NOMO2: variants seen among roughly 807,000 people sequenced by gnomAD.
NOMO2 encodes NODAL modulator 2.
Under a neutral mutation model 67.1 loss-of-function variants are expected in NOMO2, and 14 were observed. The observed-to-expected ratio is 0.21, with a 90% CI of 0.14 to 0.33. The LOEUF (loss-of-function observed/expected upper bound fraction) is 0.33. Among genes scored for constraint, NOMO2 ranks in the 10% least tolerant of loss-of-function variants. The pLI is 1.00. For synonymous variants in NOMO2, 80 were observed against 305.9 expected (o/e 0.26, Z 7.71); for missense variants, 178 against 761.0 (o/e 0.23, Z 9.01).
At chr16:18,556,433 ACT>A (rs1901905077) in intron 2 of NOMO2, among the ~76,000 whole-genome samples, 1 of 148,940 alleles carries the variant, frequency 6.7e-6, no homozygotes, top group African/African-American at 2.5e-5. Flanking sequence ...ACAGAGTGAG[ACT>A]CTGTCTCAAA....
At chr16:18,536,229 T>C (rs1901419809) in intron 11 of NOMO2, among the ~76,000 whole-genome samples, 1 of 152,100 alleles carries the variant, frequency 6.6e-6, no homozygotes, top group Non-Finnish European at 1.5e-5. Flanking sequence ...TTTCAGGTCC[T>C]TCCTATCCTA....
chr16:18,562,017 C>T lies in NOMO2; in HGVS notation c.24G>A (p.Gly8=). Reference sequence around the variant, plus strand: ...CGGTGACCACCGCGGGCCCCAGCAGCCCCGCGCCCTGGCCCACCAGCATGG... The same window carrying T: ...CGGTGACCACCGCGGGCCCCAGCAGTCCCGCGCCCTGGCCCACCAGCATGG... The part of the protein sequence containing the change: MLVGQGA[G]LLGPAVVTAA... Residue 8 remains glycine, a synonymous_variant, in exon 1 of 31, where the codon GGG becomes GGA. Transcript: ENST00000622306. The T allele has an allele frequency of 6.5e-7, 1 of 1,535,926 alleles. No homozygotes were observed. Among genetic ancestry groups the T allele is most frequent in the Non-Finnish European group, 8.7e-7 (1 of 1,143,416 alleles).
At chr16:18,553,514 G>A (rs568010042) in intron 3 of NOMO2, among the ~76,000 whole-genome samples, 1 of 151,332 alleles carries the variant, frequency 6.6e-6, no homozygotes, top group Non-Finnish European at 1.5e-5. Context: ...TCACCTGGAG[G>A]GTGGGGCGGG....
At chr16:18,560,439 A>C (rs1000469591) in intron 1 of NOMO2, among the ~76,000 whole-genome samples, 1 of 151,576 alleles carries the variant, frequency 6.6e-6, no homozygotes, top group African/African-American at 2.4e-5. Flanking sequence ...GGCCTCTTGC[A>C]TTTCAGCTTC....
intron 6 of NOMO2, among the ~76,000 whole-genome samples, chr16:18,545,392 C>T (rs1020947664): frequency 6.6e-6 from 1 of 151,892 alleles, no homozygotes; most frequent in Non-Finnish European, 1.5e-5. Context: ...CAACTGCACC[C>T]AGCCTTGAAT....
chr16:18,529,369 G>C, intron 15 of NOMO2, 132 bp downstream of exon 15: 1 of 1,602,784 alleles, frequency 6.2e-7, no homozygotes, highest in Non-Finnish European at 8.5e-7. Flanking sequence ...TTGCGTAACA[G>C]GTGGGCGAGT....
chr16:18,526,366 T>C (rs907468621), intron 16 of NOMO2, among the ~76,000 whole-genome samples: 3 of 152,112 alleles, frequency 2.0e-5, no homozygotes, highest in African/African-American at 2.4e-5. Flanking sequence ...GACAGTTTCT[T>C]AAAAGGTTAA....
intron 3 of NOMO2, among the ~76,000 whole-genome samples, chr16:18,552,768 G>A (rs1167130762): frequency 6.6e-6 from 1 of 151,988 alleles, no homozygotes; most frequent in Non-Finnish European, 1.5e-5. Flanking sequence ...ATCCACTTTG[G>A]ATGTTTGCAA....
At chr16:18,532,856 T>C in intron 12 of NOMO2, 149 bp downstream of exon 12, 1 of 1,096,338 alleles carries the variant, frequency 9.1e-7, no homozygotes, top group Non-Finnish European at 1.3e-6. Flanking sequence ...CCTATCTGAC[T>C]CTCCTCTACT....
At chr16:18,525,994 T>C (rs1287390115) in intron 16 of NOMO2, among the ~76,000 whole-genome samples, 5 of 151,950 alleles carry the variant, frequency 3.3e-5, no homozygotes, top group Non-Finnish European at 5.9e-5. Context: ...CCAAATAAAC[T>C]ACCACTTGCC....
At chr16:18,553,699 G>C (rs1238142564) in intron 3 of NOMO2, among the ~76,000 whole-genome samples, 1 of 103,682 alleles carries the variant, frequency 9.6e-6, no homozygotes, top group South Asian at 3.7e-4. Flanking sequence ...GGGTAGCGTG[G>C]GGGGTGGCAA....
chr16:18,552,651 C>A (rs989482908), intron 3 of NOMO2, among the ~76,000 whole-genome samples: 1 of 150,720 alleles, frequency 6.6e-6, no homozygotes, highest in Non-Finnish European at 1.5e-5. Flanking sequence ...AATACCACAC[C>A]CCCACCAGAA....
rs1190584402 is a variant in NOMO2, at chr16:18,561,118, C to T, written c.165+758G>A. On this transcript the variant is annotated intron_variant, in intron 1 of 30. Transcript: ENST00000622306. ...CCCTTTCCTCTTTACGGGAACCTTTCTGGGTCATAATCCCACCGGGCTGAT... is the reference window on the plus strand; with the variant it reads ...CCCTTTCCTCTTTACGGGAACCTTTTTGGGTCATAATCCCACCGGGCTGAT... Among the ~76,000 whole-genome samples, 47 of 121,952 alleles carry T rather than the reference C, an allele frequency of 3.9e-4. 1 individual carries two copies. The highest frequency in any genetic ancestry group is 6.5e-4 in the Admixed American group (6 of 9,302). The allele number at this position is 121,952 out of a possible 152,430, so 80.0% of individuals were successfully genotyped here.
intron 8 of NOMO2, 77 bp downstream of exon 8, chr16:18,542,516 TA>T (rs543512217): frequency 1.0e-5 from 9 of 858,808 alleles, no homozygotes; most frequent in Middle Eastern, 3.6e-4. Context: ...TCTTTTCCTT[TA>T]ACACCCAAAC....
chr16:18,556,857 G>A (rs1360245641), intron 2 of NOMO2, among the ~76,000 whole-genome samples: 3 of 151,958 alleles, frequency 2.0e-5, no homozygotes, highest in African/African-American at 4.8e-5. Context: ...CGGAAACATC[G>A]GCTCACACCT....
intron 11 of NOMO2, among the ~76,000 whole-genome samples, chr16:18,535,333 G>A (rs573204709): frequency 6.6e-6 from 1 of 152,022 alleles, no homozygotes; most frequent in African/African-American, 2.4e-5. Flanking sequence ...AAATAAAAAG[G>A]AAAAGAAATA....
chr16:18,538,987 A>G (rs746146072), intron 9 of NOMO2, 23 bp from the exon 10 acceptor site: 2 of 1,600,954 alleles, frequency 1.2e-6, no homozygotes, highest in Non-Finnish European at 1.7e-6. Flanking sequence ...GAACAAGAAG[A>G]AGGTGCTCGA....
chr16:18,557,576 T>C (rs1901937059), intron 2 of NOMO2, 126 bp downstream of exon 2: 1 of 1,597,588 alleles, frequency 6.3e-7, no homozygotes, highest in Admixed American at 1.7e-5. Context: ...ACTAGGATTA[T>C]CATATTCCAC....
At chr16:18,557,528 C>T (rs1478385422) in intron 2 of NOMO2, among the ~76,000 whole-genome samples, 174 bp downstream of exon 2, 1 of 151,988 alleles carries the variant, frequency 6.6e-6, no homozygotes, top group Non-Finnish European at 1.5e-5. Flanking sequence ...CCACTGTATT[C>T]GTCAAGGCAG....
Sources: allele counts gnomAD v4.1 joint callset (sites outside exome capture counted in the v4.1 genomes callset), GRCh38; gene constraint gnomAD v4.1.1; transcripts MANE v1.5; gene names NCBI Gene and HGNC (gene_info 2026-07-23, HGNC 2026-07-21).